Variants in MAP7 observed in about 807,000 individuals in gnomAD.
The protein encoded by MAP7 is microtubule associated protein 7.
MAP7 carries 52 observed loss-of-function variants against 94.8 expected under a neutral mutation model. The observed-to-expected ratio is 0.55, with a 90% confidence interval of 0.44 to 0.69. The LOEUF is 0.69. Among genes scored for constraint, MAP7 ranks in the 30% least tolerant of loss-of-function variants. The probability of loss-of-function intolerance (pLI) is 0.00; values close to 1 mark genes in which losing one functional copy is unlikely to be tolerated. For synonymous variants in MAP7, 350 were observed against 357.0 expected, an observed-to-expected ratio of 0.98 and a Z score of 0.22; for missense variants, 940 against 964.6, an observed-to-expected ratio of 0.97 and a Z score of 0.34.
At chr6:136,420,354 C>T (rs1270773700) in intron 2 of MAP7, 7 of 632,846 alleles carry the variant, frequency 1.1e-5, no homozygotes, top group South Asian at 3.5e-5. Flanking sequence ...AGCCCGGCCG[C>T]GAAGTGGGCC....
intron 1 of MAP7, among the ~76,000 whole-genome samples, chr6:136,519,628 A>G (rs1043886162): frequency 6.6e-6 from 1 of 152,190 alleles, no homozygotes; most frequent in Admixed American, 6.5e-5. Context: ...AGGAAATTCT[A>G]CCTTTACAGT....
intron 1 of MAP7, among the ~76,000 whole-genome samples, chr6:136,522,767 C>T (rs1826770103): frequency 6.6e-6 from 1 of 152,218 alleles, no homozygotes; most frequent in Non-Finnish European, 1.5e-5. Context: ...CACAGTGGCT[C>T]ACGCCTGTAA....
At chr6:136,365,692 G>A (rs1562316763) in intron 10 of MAP7, 43 bp downstream of exon 10, 4 of 1,589,434 alleles carry the variant, frequency 2.5e-6, no homozygotes, top group Non-Finnish European at 3.4e-6. Flanking sequence ...CAGTGCGGGA[G>A]AAAAAGAGAG....
At chr6:136,347,375 C>CTT (rs200825978) in intron 16 of MAP7, among the ~76,000 whole-genome samples, 1 of 150,858 alleles carries the variant, frequency 6.6e-6, no homozygotes, top group African/African-American at 2.4e-5. Flanking sequence ...TAACACTTTG[C>CTT]TTTTTTTTTG....
At chr6:136,447,338 A>G (rs1799656499) in intron 1 of MAP7, among the ~76,000 whole-genome samples, 1 of 152,206 alleles carries the variant, frequency 6.6e-6, no homozygotes, top group African/African-American at 2.4e-5. Context: ...CTCATTTGTA[A>G]CTGCAGTTTG....
intron 1 of MAP7, among the ~76,000 whole-genome samples, chr6:136,426,629 A>G (rs1452295715): frequency 6.6e-6 from 1 of 152,250 alleles, no homozygotes; most frequent in African/African-American, 2.4e-5. Context: ...AATAATGTGG[A>G]GAAGTTCCCT....
chr6:136,399,806 A>T (rs888028124), intron 3 of MAP7, among the ~76,000 whole-genome samples: 1 of 152,216 alleles, frequency 6.6e-6, no homozygotes, highest in Non-Finnish European at 1.5e-5. Context: ...TTTAAAAAGG[A>T]ATCTAATGGC....
intron 5 of MAP7, among the ~76,000 whole-genome samples, chr6:136,388,091 T>C (rs1236490844): frequency 2.0e-5 from 3 of 152,200 alleles, no homozygotes; most frequent in Non-Finnish European, 4.4e-5. Context: ...GAAACCCTAA[T>C]GCAAATAGAA....
chr6:136,511,662 T>C (rs1823324150), intron 1 of MAP7, among the ~76,000 whole-genome samples: 1 of 152,204 alleles, frequency 6.6e-6, no homozygotes, highest in Admixed American at 6.5e-5. Context: ...TCCACGATAT[T>C]TCCTAATCCA....
intron 1 of MAP7, chr6:136,466,996 G>T: frequency 9.5e-7 from 1 of 1,057,316 alleles, no homozygotes; most frequent in Non-Finnish European, 1.3e-6. Context: ...AACAGTAACC[G>T]TGTTCACTGA....
intron 1 of MAP7, among the ~76,000 whole-genome samples, chr6:136,504,843 C>T (rs924070838): frequency 6.6e-6 from 1 of 152,078 alleles, no homozygotes; most frequent in African/African-American, 2.4e-5. Flanking sequence ...CAACGCCTGG[C>T]TAATTTTTGT....
At chr6:136,485,339 G>C (rs1299327751) in intron 1 of MAP7, among the ~76,000 whole-genome samples, 1 of 152,028 alleles carries the variant, frequency 6.6e-6, no homozygotes, top group East Asian at 1.9e-4. Flanking sequence ...TATTATTGCA[G>C]GATTGTCTTT....
chr6:136,457,606 A>G (rs966510520), intron 1 of MAP7, among the ~76,000 whole-genome samples: 1 of 152,148 alleles, frequency 6.6e-6, no homozygotes, highest in Admixed American at 6.6e-5. Context: ...TATTAAGGGA[A>G]CAAATGAGAT....
intron 3 of MAP7, among the ~76,000 whole-genome samples, chr6:136,405,867 G>T (rs1337526541): frequency 3.3e-5 from 5 of 152,172 alleles, no homozygotes; most frequent in Non-Finnish European, 7.3e-5. Context: ...TATGGGATGT[G>T]TGGGAAATTT....
chr6:136,485,942 T>A (rs1044650359), intron 1 of MAP7, among the ~76,000 whole-genome samples: 1 of 152,066 alleles, frequency 6.6e-6, no homozygotes, highest in East Asian at 1.9e-4. Context: ...ACTCCATTAG[T>A]AGGCTCCACA....
At chr6:136,499,468 C>T (rs985395229) in intron 1 of MAP7, among the ~76,000 whole-genome samples, 2 of 152,038 alleles carry the variant, frequency 1.3e-5, no homozygotes, top group Non-Finnish European at 2.9e-5. Flanking sequence ...GTAACGGTGC[C>T]TAGTTACACA....
At chr6:136,395,558 T>C (rs950336418) in intron 3 of MAP7, among the ~76,000 whole-genome samples, 19 of 152,134 alleles carry the variant, frequency 1.2e-4, no homozygotes, top group African/African-American at 4.6e-4. Flanking sequence ...GTTTTTGGCT[T>C]CATGTAATCC....
chr6:136,547,260 C>A (rs1321716568), intron 1 of MAP7, among the ~76,000 whole-genome samples: 2 of 152,164 alleles, frequency 1.3e-5, no homozygotes, highest in African/African-American at 4.8e-5. Flanking sequence ...GACCCACTTC[C>A]CAAAATATCA....
intron 1 of MAP7, among the ~76,000 whole-genome samples, chr6:136,527,733 T>G (rs914164088): frequency 6.6e-6 from 1 of 152,210 alleles, no homozygotes; most frequent in East Asian, 1.9e-4. Context: ...TTCAAGGTAT[T>G]TCCAGTTCAA....
Sources: gnomAD v4.1 joint callset for allele counts (sites outside exome capture counted in the v4.1 genomes callset) on GRCh38, gnomAD v4.1.1 for gene constraint, MANE v1.5 for transcripts, NCBI Gene and HGNC (gene_info 2026-07-23, HGNC 2026-07-21) for gene names.